Variants in IGSF21 observed in about 807,000 individuals in gnomAD.
The protein encoded by IGSF21 is immunoglobin superfamily member 21, also known as immunoglobulin superfamily member 21.
Under a neutral mutation model 46.8 loss-of-function variants are expected in IGSF21, and 28 were observed. The ratio of observed to expected loss-of-function variants is 0.60; its 90% confidence interval spans 0.44 to 0.82. The LOEUF is 0.82. IGSF21 is among the 40% of genes least tolerant of loss of function. The pLI is 0.00. For synonymous variants in IGSF21, 284 were observed against 273.6 expected (o/e 1.04, Z -0.38); for missense variants, 624 against 665.5 (o/e 0.94, Z 0.69).
intron 7 of IGSF21, 103 bp from the exon 8 acceptor site, chr1:18,376,697 A>G: frequency 8.8e-7 from 1 of 1,134,054 alleles, no homozygotes; most frequent in Non-Finnish European, 1.3e-6. Flanking sequence ...AACCCGTCGG[A>G]TGAGAATGCT....
intron 1 of IGSF21, among the ~76,000 whole-genome samples, chr1:18,205,950 G>A (rs908394068): frequency 2.0e-5 from 3 of 152,162 alleles, no homozygotes; most frequent in Admixed American, 6.5e-5. Context: ...CTCATCATAG[G>A]CCTTATAAAA....
In IGSF21 at chr1:18,108,127, C is replaced by T. The variant is rs558305961; in HGVS notation, c.-2C>T. 5.6e-4 allele frequency: 786 copies of T among 1,392,546 alleles called. 1 individual carries two copies. In the African/African-American group the frequency reaches 0.011, roughly 19 times the overall value. 86.3% of individuals were successfully genotyped at this position (1,392,546 alleles called of 1,614,324 possible). On this transcript the variant is annotated 5_prime_UTR_variant, in exon 1 of 10. Coordinates refer to ENST00000251296, the MANE Select transcript of IGSF21 (RefSeq NM_032880.5). Reference sequence around the variant, plus strand: ...CGCCACCGCCGCCAGCTCCCGGGCACCATGCGAACCGCCCCGAGCCTCCGC... The same window carrying T: ...CGCCACCGCCGCCAGCTCCCGGGCATCATGCGAACCGCCCCGAGCCTCCGC...
chr1:18,176,463 G>A (rs1331111614), intron 1 of IGSF21, among the ~76,000 whole-genome samples: 1 of 152,176 alleles, frequency 6.6e-6, no homozygotes, highest in Non-Finnish European at 1.5e-5. Context: ...AACCTTAGGG[G>A]TCCCATCTGC....
intron 1 of IGSF21, among the ~76,000 whole-genome samples, chr1:18,216,891 A>G (rs1250380934): frequency 6.6e-6 from 1 of 152,156 alleles, no homozygotes; most frequent in Non-Finnish European, 1.5e-5. Flanking sequence ...ATTATGTAGC[A>G]CTGGAACCCA....
intron 2 of IGSF21, among the ~76,000 whole-genome samples, chr1:18,264,240 C>G (rs72932972): frequency 6.6e-6 from 1 of 152,116 alleles, no homozygotes; most frequent in Non-Finnish European, 1.5e-5. Flanking sequence ...ACAAGAATCC[C>G]GTTAAGACCG....
intron 2 of IGSF21, among the ~76,000 whole-genome samples, chr1:18,246,101 TGAAAGTCCCAGTTATA>T (rs1297915374): frequency 6.6e-6 from 1 of 152,010 alleles, no homozygotes; most frequent in African/African-American, 2.4e-5. Context: ...TAAACAGGAG[TGAAAGTCCCAGTTATA>T]TTTTGTTTCT....
intron 1 of IGSF21, among the ~76,000 whole-genome samples, chr1:18,135,108 G>A (rs146532634): frequency 9.3e-4 from 142 of 152,290 alleles, no homozygotes; most frequent in African/African-American, 3.3e-3. Context: ...TCAGGAAGCT[G>A]GGGAGAGAAA....
At chr1:18,305,563 GATGGATGGATGGATT>G (rs1413106584) in intron 3 of IGSF21, among the ~76,000 whole-genome samples, 10 of 149,808 alleles carry the variant, frequency 6.7e-5, no homozygotes, top group Non-Finnish European at 1.2e-4. Flanking sequence ...TGGATGGATG[GATGGATGGATGGATT>G]ATGGATGGAT....
chr1:18,157,000 T>C (rs1166830513), intron 1 of IGSF21, among the ~76,000 whole-genome samples: 1 of 152,148 alleles, frequency 6.6e-6, no homozygotes, highest in Non-Finnish European at 1.5e-5. Context: ...GGTAGGCACC[T>C]GTAATCCCAG....
intron 1 of IGSF21, among the ~76,000 whole-genome samples, chr1:18,160,110 G>A (rs1445647983): frequency 6.6e-6 from 1 of 152,216 alleles, no homozygotes; most frequent in Admixed American, 6.5e-5. Flanking sequence ...AGGATGGGCA[G>A]AGTGGTGATC....
chr1:18,216,083 G>T (rs1225978775), intron 1 of IGSF21, among the ~76,000 whole-genome samples: 1 of 152,202 alleles, frequency 6.6e-6, no homozygotes, highest in Non-Finnish European at 1.5e-5. Context: ...CTGTGACTGA[G>T]ATGTTTACAA....
At chr1:18,377,673 C>T (rs1198469569) in intron 9 of IGSF21, among the ~76,000 whole-genome samples, 1 of 152,192 alleles carries the variant, frequency 6.6e-6, no homozygotes, top group African/African-American at 2.4e-5. Context: ...CAACTCTGCC[C>T]CATCTCACCA....
At position 18,376,300 on chromosome 1, in the gene IGSF21, C is replaced by A; in HGVS notation, c.1016-10C>A. 2 of 1,602,538 alleles carry A rather than the reference C, an allele frequency of 1.2e-6. No individual in the cohort carries two copies. The highest frequency in any genetic ancestry group is 1.7e-6 in the Non-Finnish European group (2 of 1,169,504). On this transcript the variant is annotated splice_polypyrimidine_tract_variant and intron_variant, in intron 6 of 9. Transcript: ENST00000251296. ...TTACTCTCTCTGACCTGGCCTTTCT[C>A]TCCCTACAGTTGCCCCCAAAGGACC...
intron 3 of IGSF21, among the ~76,000 whole-genome samples, chr1:18,318,710 C>T (rs2085568809): frequency 6.6e-6 from 1 of 152,166 alleles, no homozygotes; most frequent in Non-Finnish European, 1.5e-5. Context: ...ACCTTGCTTA[C>T]AAACCAGGGA....
chr1:18,204,454 C>T (rs1336614994), intron 1 of IGSF21, among the ~76,000 whole-genome samples: 3 of 152,154 alleles, frequency 2.0e-5, no homozygotes, highest in Non-Finnish European at 2.9e-5. Context: ...ATGGATGATA[C>T]AAAAATCTTC....
At position 18,238,095 on chromosome 1, in the gene IGSF21, A is replaced by G. The variant is rs559725789; in HGVS notation, c.183+10085A>G. Reference sequence around the variant, plus strand: ...CAGAATATTCTCAAAGGACTCTGTGATGCCCCCATGCCCCAACTGAAAAAC... The same window carrying G: ...CAGAATATTCTCAAAGGACTCTGTGGTGCCCCCATGCCCCAACTGAAAAAC... On this transcript the variant is annotated intron_variant, in intron 2 of 9. Coordinates refer to ENST00000251296, the MANE Select transcript of IGSF21 (RefSeq NM_032880.5). 1.7e-3 allele frequency among the ~76,000 whole-genome samples: 260 copies of G among 152,248 alleles called. 1 individual carries two copies. Among genetic ancestry groups the G allele is most frequent in the African/African-American group, 6.1e-3 (253 of 41,560 alleles).
At chr1:18,270,408 G>T (rs2124544764) in intron 2 of IGSF21, among the ~76,000 whole-genome samples, 1 of 152,344 alleles carries the variant, frequency 6.6e-6, no homozygotes, top group South Asian at 2.1e-4. Context: ...CTCATGCCCT[G>T]CAAGGTTCTG....
chr1:18,228,689 G>C (rs1043612109), intron 2 of IGSF21, among the ~76,000 whole-genome samples: 1 of 152,184 alleles, frequency 6.6e-6, no homozygotes, highest in Non-Finnish European at 1.5e-5. Context: ...AAGGTCCAGG[G>C]GGCAGTGATG....
chr1:18,259,175 G>A (rs1181917350), intron 2 of IGSF21, among the ~76,000 whole-genome samples: 1 of 152,212 alleles, frequency 6.6e-6, no homozygotes, highest in Non-Finnish European at 1.5e-5. Flanking sequence ...ACTGAGGCCA[G>A]TTTATGAGAG....
Sources: allele counts gnomAD v4.1 joint callset (sites outside exome capture counted in the v4.1 genomes callset), GRCh38; gene constraint gnomAD v4.1.1; transcripts MANE v1.5; gene names NCBI Gene and HGNC (gene_info 2026-07-23, HGNC 2026-07-21).